The following UBAC2 variants were observed in gnomAD, a reference collection of about 807,000 sequenced individuals.
The protein encoded by UBAC2 is ubiquitin-associated domain-containing protein 2.
In UBAC2, 26 loss-of-function variants were observed where a neutral mutation model predicts 44.0. That is an observed-to-expected ratio of 0.59 (90% CI 0.43 to 0.82). The LOEUF is 0.82. UBAC2 is among the 40% of genes least tolerant of loss of function. The pLI, the probability that UBAC2 is intolerant of heterozygous loss-of-function variation, is 0.00. For missense variants in UBAC2, 329 were observed against 419.4 expected (o/e 0.78, Z 1.88); for synonymous variants, 155 against 154.3 (o/e 1.00, Z -0.04).
At chr13:99,239,546 A>G (rs1410341082) in intron 2 of UBAC2, among the ~76,000 whole-genome samples, 1 of 152,228 alleles carries the variant, frequency 6.6e-6, no homozygotes, top group Non-Finnish European at 1.5e-5. Flanking sequence ...ATTCTAGTGT[A>G]TGGCTGGCTT....
intron 6 of UBAC2, among the ~76,000 whole-genome samples, chr13:99,325,261 C>A (rs1358030360): frequency 1.3e-5 from 2 of 152,078 alleles, no homozygotes; most frequent in South Asian, 2.1e-4. Context: ...TGTCACCATG[C>A]CCAGCTAATT....
At chr13:99,285,466 C>A (rs955978624) in intron 4 of UBAC2, among the ~76,000 whole-genome samples, 1 of 151,568 alleles carries the variant, frequency 6.6e-6, no homozygotes, top group African/African-American at 2.4e-5. Flanking sequence ...GATTGTAGCT[C>A]ACTGTAACGT....
intron 2 of UBAC2, among the ~76,000 whole-genome samples, chr13:99,242,640 C>G (rs2043324047): frequency 7.8e-6 from 1 of 128,828 alleles, no homozygotes; most frequent in African/African-American, 3.0e-5. Flanking sequence ...GGGCTGACCC[C>G]CCCACCTCCC....
chr13:99,255,074 A>AGG (rs781694906), intron 4 of UBAC2: 3 of 1,614,108 alleles, frequency 1.9e-6, no homozygotes, highest in Admixed American at 3.3e-5. Context: ...AAGGCTCCCC[A>AGG]GGGATTGTAA....
intron 4 of UBAC2, among the ~76,000 whole-genome samples, chr13:99,253,680 AT>A (rs1209257967): frequency 2.0e-5 from 3 of 151,996 alleles, no homozygotes; most frequent in African/African-American, 4.8e-5. Flanking sequence ...TGCCTGGCTA[AT>A]TTTTGTATTT....
At chr13:99,259,742 G>A (rs1208412169) in intron 4 of UBAC2, among the ~76,000 whole-genome samples, 1 of 152,212 alleles carries the variant, frequency 6.6e-6, no homozygotes, top group Non-Finnish European at 1.5e-5. Flanking sequence ...GACCTAATCT[G>A]TCCTTTGCCT....
In UBAC2 at chr13:99,314,238, A is replaced by G. The variant is rs771381315; in HGVS notation, c.513+18A>G. The G allele has an allele frequency of 2.4e-5, 30 of 1,235,998 alleles. No homozygotes were observed. Among genetic ancestry groups the G allele is most frequent in the Non-Finnish European group, 3.1e-5 (28 of 915,576 alleles). The allele number at this position is 1,235,998 out of a possible 1,614,324, so 76.6% of individuals were successfully genotyped here. On this transcript the variant is annotated intron_variant, in intron 5 of 8. Coordinates refer to ENST00000403766, the MANE Select transcript of UBAC2 (RefSeq NM_001144072.2). ...GACTGCAGGTACAGTATGCATTTTT[A>G]TGTTCACTTTTCTTTAACCAGATCT...
intron 6 of UBAC2, among the ~76,000 whole-genome samples, chr13:99,331,432 G>A (rs2044714978): frequency 2.6e-5 from 4 of 152,200 alleles, no homozygotes; most frequent in Admixed American, 6.5e-5. Flanking sequence ...TGTGAGAAAC[G>A]AATAATCTGT....
chr13:99,373,983 A>G (rs1368332189), intron 8 of UBAC2, among the ~76,000 whole-genome samples: 2 of 152,216 alleles, frequency 1.3e-5, no homozygotes, highest in Non-Finnish European at 2.9e-5. Flanking sequence ...AGATGTTACC[A>G]TTTGGTGCAT....
intron 4 of UBAC2, among the ~76,000 whole-genome samples, chr13:99,300,553 A>G (rs1226407099): frequency 1.3e-5 from 2 of 152,206 alleles, no homozygotes; most frequent in East Asian, 3.8e-4. Context: ...TCCCTTAGAG[A>G]TATTACTTTA....
intron 4 of UBAC2, among the ~76,000 whole-genome samples, chr13:99,249,815 T>C (rs1260268066): frequency 6.6e-6 from 1 of 152,144 alleles, no homozygotes; most frequent in Non-Finnish European, 1.5e-5. Flanking sequence ...TTTGCATTTC[T>C]TGATGATTAC....
chr13:99,244,687 A>G, intron 4 of UBAC2, 63 bp downstream of exon 4: 1 of 982,828 alleles, frequency 1.0e-6, no homozygotes, highest in African/African-American at 1.6e-5. Flanking sequence ...AAGTGTTATT[A>G]TTATTATGTG....
At chr13:99,384,980 C>A (rs562787031) in intron 8 of UBAC2, among the ~76,000 whole-genome samples, 1 of 152,352 alleles carries the variant, frequency 6.6e-6, no homozygotes, top group South Asian at 2.1e-4. Flanking sequence ...CCCTCAGAAG[C>A]CCTGTGTCCT....
intron 4 of UBAC2, among the ~76,000 whole-genome samples, chr13:99,252,614 C>T (rs575536990): frequency 3.5e-4 from 54 of 152,298 alleles, no homozygotes; most frequent in Non-Finnish European, 5.9e-4. Context: ...CTCATTCCTG[C>T]CACACATCTG....
At chr13:99,287,960 T>A (rs2044041571) in intron 4 of UBAC2, among the ~76,000 whole-genome samples, 1 of 152,240 alleles carries the variant, frequency 6.6e-6, no homozygotes, top group Admixed American at 6.5e-5. Flanking sequence ...TTGCATTTAT[T>A]TTTATAGGCT....
intron 8 of UBAC2, among the ~76,000 whole-genome samples, chr13:99,374,652 G>A (rs1414442031): frequency 5.3e-5 from 8 of 152,112 alleles, no homozygotes; most frequent in South Asian, 4.2e-4. Context: ...AAAACCCACC[G>A]AAACTCCTAA....
At chr13:99,367,228 ACT>A (rs1756575105) in intron 7 of UBAC2, among the ~76,000 whole-genome samples, 1 of 151,598 alleles carries the variant, frequency 6.6e-6, no homozygotes, top group Non-Finnish European at 1.5e-5. Flanking sequence ...TTCCCTTCAC[ACT>A]CTCTAGCCTG....
chr13:99,356,663 T>C (rs2045188897), intron 7 of UBAC2, among the ~76,000 whole-genome samples: 1 of 152,204 alleles, frequency 6.6e-6, no homozygotes, highest in African/African-American at 2.4e-5. Flanking sequence ...AGACTACTGC[T>C]AAGCAGCACA....
intron 1 of UBAC2, among the ~76,000 whole-genome samples, chr13:99,217,108 G>C (rs1425501174): frequency 6.6e-6 from 1 of 152,216 alleles, no homozygotes; most frequent in African/African-American, 2.4e-5. Context: ...TGGGATCACA[G>C]GCGTGAGCCA....
Sources: allele counts gnomAD v4.1 joint callset (sites outside exome capture counted in the v4.1 genomes callset), GRCh38; gene constraint gnomAD v4.1.1; transcripts MANE v1.5; gene names NCBI Gene and HGNC (gene_info 2026-07-23, HGNC 2026-07-21).